TOPBP1: variants seen among roughly 807,000 people sequenced by gnomAD.
The protein encoded by TOPBP1 is DNA topoisomerase II binding protein 1.
Under a neutral mutation model 167.7 loss-of-function variants are expected in TOPBP1, and 28 were observed. That is an observed-to-expected ratio of 0.17 (90% CI 0.12 to 0.23). TOPBP1 has a LOEUF of 0.23. Ranked by LOEUF, TOPBP1 falls within the 10% of genes least tolerant of loss-of-function variation. TOPBP1 has a pLI of 1.00. For synonymous variants in TOPBP1, 598 were observed against 611.4 expected, an observed-to-expected ratio of 0.98 and a Z score of 0.32; for missense variants, 1,554 against 1,809.6, an observed-to-expected ratio of 0.86 and a Z score of 2.56.
intron 10 of TOPBP1, among the ~76,000 whole-genome samples, chr3:133,645,909 G>A (rs1272039402): frequency 6.6e-6 from 1 of 152,142 alleles, no homozygotes. Context: ...AGCACTTTGG[G>A]AGGCTGAGGT....
At position 133,628,576 on chromosome 3, in the gene TOPBP1, T is replaced by A. The variant is rs937265970; in HGVS notation, c.2678A>T (p.Glu893Val). Residue 893 changes from glutamate (E) to valine (V), a missense_variant, in exon 15 of 28, where the codon GAG (glutamate) becomes GTG (valine). Coordinates refer to ENST00000260810, the MANE Select transcript of TOPBP1 (RefSeq NM_007027.4). ...TAATCCTACCTTCTCTGACTGGGCC[T>A]CTTTCAGTTGAGGGCTGGCAGAAAG... is the stretch of plus-strand genomic sequence containing the variant. ...VALSASPQLK[E>V]AQSEKEEAPK... The A allele has an allele frequency of 6.2e-7, 1 of 1,611,402 alleles. No individual in the cohort carries two copies. The highest frequency in any genetic ancestry group is 1.3e-5 in the African/African-American group (1 of 74,920).
At chr3:133,624,000 T>A (rs530813002) in intron 17 of TOPBP1, 52 bp downstream of exon 17, 1 of 1,567,622 alleles carries the variant, frequency 6.4e-7, no homozygotes, top group East Asian at 2.3e-5. Flanking sequence ...TGAAATAATG[T>A]TTGTATACAT....
intron 3 of TOPBP1, 24 bp downstream of exon 3, chr3:133,658,992 G>C (rs1229479672): frequency 6.4e-7 from 1 of 1,573,584 alleles, no homozygotes. Flanking sequence ...GACTACCAAA[G>C]GTACACACTA....
chr3:133,633,084 C>T (rs577913439), intron 14 of TOPBP1, among the ~76,000 whole-genome samples: 6 of 152,268 alleles, frequency 3.9e-5, no homozygotes, highest in African/African-American at 1.2e-4. Flanking sequence ...TTTCTTCCAC[C>T]TTAAAAAGAA....
In TOPBP1 at chr3:133,618,382, T is replaced by A. The variant is rs1576685118; in HGVS notation, c.3423A>T (p.Glu1141Asp). 1.2e-6 allele frequency: 2 copies of A among 1,613,944 alleles called. No individual in the cohort carries two copies. Among genetic ancestry groups the A allele is most frequent in the Admixed American group, 3.3e-5 (2 of 60,008 alleles). Residue 1141 changes from glutamate to aspartate, a missense_variant, in exon 21 of 28, where the codon GAA becomes GAT. By Grantham distance (45) the Glu-to-Asp change is conservative. Around this residue, in one of 3 missense-constraint regions of TOPBP1, gnomAD observed 6 missense variants for 25.2 expected, o/e 0.24. Coordinates refer to ENST00000260810, the MANE Select transcript of TOPBP1 (RefSeq NM_007027.4). ...PDVNTEPSQNEQIIWDDPTAR... is the reference protein window; with the variant it reads ...PDVNTEPSQNDQIIWDDPTAR... ...CTGTAGGGTCATCCCAAATGATCTG[T>A]TCATTTTGGGAAGGCTCTGTGTTGA... is the stretch of plus-strand genomic sequence containing the variant.
intron 27 of TOPBP1, among the ~76,000 whole-genome samples, chr3:133,606,742 C>T (rs77068914): frequency 0.02 from 3,062 of 151,824 alleles, 42 homozygotes; most frequent in Non-Finnish European, 0.03. Context: ...ATCAAGATGC[C>T]AAAGCTTTTG....
rs1935916254 is a variant in TOPBP1, at chr3:133,642,316, C to T, written c.2021+884G>A. Among the ~76,000 whole-genome samples, 2 of 152,126 alleles carry T rather than the reference C, an allele frequency of 1.3e-5. 1 individual carries two copies. The highest frequency in any genetic ancestry group is 2.9e-5 in the Non-Finnish European group (2 of 68,020). On this transcript the variant is annotated intron_variant, in intron 12 of 27. Coordinates refer to ENST00000260810, the MANE Select transcript of TOPBP1 (RefSeq NM_007027.4). ...ATTTGGATACTTATAGTAATCACTT[C>T]TTTACTTTTCTATAATCAAATAATG...
In TOPBP1 at chr3:133,658,838, CAAAA is replaced by C. The variant is rs531875389; in HGVS notation, c.219+174_219+177del. Among the ~76,000 whole-genome samples, 12 of 151,982 alleles carry C rather than the reference CAAAA, an allele frequency of 7.9e-5. No homozygotes were observed. In the South Asian group the frequency reaches 2.3e-3, roughly 29 times the overall value. On this transcript the variant is annotated intron_variant, in intron 3 of 27. Transcript: ENST00000260810. ...ACAAAAACAAAAACAAACAAACAAA[CAAAA>C]AAAGCCTACTGTAACATAATTAGCC...
rs1935337106 is a variant in TOPBP1 at position 133,628,350 on chromosome 3, T to G, written c.2804+12A>C. The G allele has an allele frequency of 6.3e-7, 1 of 1,581,796 alleles. No individual in the cohort carries two copies. The highest frequency in any genetic ancestry group is 1.3e-5 in the African/African-American group (1 of 74,612). On this transcript the variant is annotated intron_variant, in intron 16 of 27. Coordinates refer to ENST00000260810, the MANE Select transcript of TOPBP1 (RefSeq NM_007027.4). ...GTCATATCACCATGAAACAGAAAGA[T>G]GTGCCAACTACCTGTAATCTGCTCC...
rs933963882 is a variant in TOPBP1 at position 133,652,480 on chromosome 3, A to C, written c.1072T>G (p.Leu358Val). The C allele has an allele frequency of 4.3e-6, 7 of 1,611,822 alleles. No individual in the cohort carries two copies. Among genetic ancestry groups the C allele is most frequent in the Non-Finnish European group, 5.9e-6 (7 of 1,179,828 alleles). ...DVSAFQAPED[L>V]LDGCRIYLCG... Reference sequence around the variant, plus strand: ...AGACGTACCCGACAACCATCTAATAAATCTTCAGGTGCTTGAAATGCACTG... The same window carrying C: ...AGACGTACCCGACAACCATCTAATACATCTTCAGGTGCTTGAAATGCACTG... Residue 358 changes from leucine to valine, a missense_variant, in exon 8 of 28, where the codon TTA becomes GTA. Physicochemically the swap from Leu to Val is conservative, Grantham distance 32. This residue lies in a region of TOPBP1 where 1,197 missense variants were observed against 1,351.5 expected (regional missense o/e 0.89). Coordinates refer to ENST00000260810, the MANE Select transcript of TOPBP1 (RefSeq NM_007027.4).
At chr3:133,649,998 A>G in intron 8 of TOPBP1, 55 bp from the exon 9 acceptor site, 1 of 1,386,102 alleles carries the variant, frequency 7.2e-7, no homozygotes, top group Non-Finnish European at 9.6e-7. Flanking sequence ...AATAGAAAAA[A>G]ACTAAAAATA....
At chr3:133,615,116 T>C (rs1033893232) in intron 23 of TOPBP1, among the ~76,000 whole-genome samples, 9 of 151,886 alleles carry the variant, frequency 5.9e-5, no homozygotes, top group African/African-American at 2.2e-4. Context: ...TCCACATTCT[T>C]AAAAAGACAG....
At chr3:133,629,850 G>A (rs1243222530) in intron 14 of TOPBP1, among the ~76,000 whole-genome samples, 3 of 152,024 alleles carry the variant, frequency 2.0e-5, no homozygotes, top group Non-Finnish European at 4.4e-5. Flanking sequence ...ACAATGGCGC[G>A]ATCTCGGCTC....
At chr3:133,624,262 T>C (rs1277631414) in intron 16 of TOPBP1, 87 bp from the exon 17 acceptor site, 1 of 1,473,564 alleles carries the variant, frequency 6.8e-7, no homozygotes, top group Non-Finnish European at 9.2e-7. Flanking sequence ...GAACAGAATA[T>C]TCTGACCTTC....
At chr3:133,605,271 G>A (rs993745037) in intron 27 of TOPBP1, among the ~76,000 whole-genome samples, 7 of 150,694 alleles carry the variant, frequency 4.6e-5, no homozygotes, top group African/African-American at 1.7e-4. Context: ...CAAACTCTTC[G>A]AGAAAATCAA....
chr3:133,653,345 T>C lies in TOPBP1; in HGVS notation c.922A>G (p.Ser308Gly). The change falls in exon 7 of 28, where the codon AGT (serine) becomes GGT (glycine). Residue 308 changes from serine (S) to glycine (G), a missense_variant and splice_region_variant. Physicochemically the swap from Ser to Gly is moderately conservative, Grantham distance 56. This residue lies in a region of TOPBP1 where 1,197 missense variants were observed against 1,351.5 expected (regional missense o/e 0.89). Coordinates refer to ENST00000260810, the MANE Select transcript of TOPBP1 (RefSeq NM_007027.4). ...TPTSQINTID[S>G]RTLSDVSNIS... is the part of the protein sequence containing the mutation. ...TTATTTTAATCTCAATGAGACTCAC[T>C]ATCAATTGTGTTGATCTGGCTGGTA... The C allele has an allele frequency of 6.3e-7, 1 of 1,588,642 alleles. No homozygotes were observed. The highest frequency in any genetic ancestry group is 8.5e-7 in the Non-Finnish European group (1 of 1,171,276).
chr3:133,657,853 T>C lies in TOPBP1; in HGVS notation c.308A>G (p.Asn103Ser). ...CVPRAEHPVY[N>S]MVMSDVTISC... is the part of the protein sequence containing the mutation. ...TATGGTTACATCAGACATAACCATA[T>C]TATAAACTGGATGTTCGGCTCTTGG... is the stretch of plus-strand genomic sequence containing the variant. The change falls in exon 4 of 28, where the codon AAT becomes AGT. Residue 103 changes from asparagine to serine, a missense_variant. By Grantham distance (46) the Asn-to-Ser change is conservative (BLOSUM62 1). This residue lies in a region of TOPBP1 where 1,197 missense variants were observed against 1,351.5 expected (regional missense o/e 0.89). Coordinates refer to ENST00000260810, the MANE Select transcript of TOPBP1 (RefSeq NM_007027.4). 3 of 1,602,678 alleles carry C rather than the reference T, an allele frequency of 1.9e-6. No individual in the cohort carries two copies. Among genetic ancestry groups the C allele is most frequent in the Non-Finnish European group, 2.6e-6 (3 of 1,175,898 alleles).
At chr3:133,628,060 T>C (rs867181111) in intron 16 of TOPBP1, 4 of 285,902 alleles carry the variant, frequency 1.4e-5, no homozygotes, top group South Asian at 5.1e-5. Context: ...ACAGGGATTC[T>C]TTTAGACTAT....
In TOPBP1 at chr3:133,601,230, T is replaced by TAACTA. The variant is rs1163316318; in HGVS notation, c.*15_*19dup. Reference sequence around the variant, plus strand: ...ATTTTTAAAAACATTTAATGTTTGGTAACTAAAGGGTAGATGCGATTAGTG... The same window carrying TAACTA: ...ATTTTTAAAAACATTTAATGTTTGGTAACTAAACTAAAGGGTAGATGCGATTAGTG... On this transcript the variant is annotated 3_prime_UTR_variant, in exon 28 of 28. Transcript: ENST00000260810. 2.5e-6 allele frequency: 4 copies of TAACTA among 1,572,750 alleles called. No individual in the cohort carries two copies. The highest frequency in any genetic ancestry group is 2.1e-5 in the Admixed American group (1 of 47,706).
Sources: gnomAD v4.1 joint callset for allele counts (sites outside exome capture counted in the v4.1 genomes callset) on GRCh38, gnomAD v4.1.1 for gene constraint, gnomAD v4.1.1 regional missense constraint, MANE v1.5 for transcripts, NCBI Gene and HGNC (gene_info 2026-07-23, HGNC 2026-07-21) for gene names.